The following NFYA variants were observed in gnomAD, a reference collection of about 807,000 sequenced individuals.
NFYA encodes CAAT-box DNA binding protein subunit A.
A neutral mutation model predicts 52.8 loss-of-function variants in NFYA; 28 were observed. The observed-to-expected ratio is 0.53, with a 90% CI of 0.39 to 0.73. NFYA has a LOEUF of 0.73. Ranked by LOEUF, NFYA falls within the 30% of genes least tolerant of loss-of-function variation. The pLI, the probability that NFYA is intolerant of heterozygous loss-of-function variation, is 0.00. For synonymous variants in NFYA, 150 were observed against 150.7 expected (o/e 1.00, Z 0.03); for missense variants, 234 against 427.0 (o/e 0.55, Z 3.98).
chr6:41,092,885 A>AT, intron 7 of NFYA, 27 bp from the exon 8 acceptor site: 1 of 1,601,128 alleles, frequency 6.2e-7, no homozygotes, highest in Non-Finnish European at 8.5e-7. Context: ...CATGCCACCA[A>AT]TAAGCTCTGG....
rs901063584 is a variant in NFYA, at chr6:41,099,566, G to C, written c.*2156G>C. The C allele has an allele frequency of 1.8e-4, 27 of 152,186 alleles. 1 individual carries two copies. Among genetic ancestry groups the C allele is most frequent in the African/African-American group, 4.8e-4 (20 of 41,450 alleles). 9.4% of individuals were successfully genotyped at this position (152,186 alleles called of 1,614,324 possible). On this transcript the variant is annotated 3_prime_UTR_variant, in exon 10 of 10. Coordinates refer to ENST00000341376, the MANE Select transcript of NFYA (RefSeq NM_002505.5). The stretch of plus-strand genomic sequence containing the variant: ...GGCACACCATAGTAGCCCACAAAGT[G>C]GGGGCAGGGTATTGACATTTGGATT...
At chr6:41,093,837 C>A (rs897323622) in intron 8 of NFYA, among the ~76,000 whole-genome samples, 1 of 152,178 alleles carries the variant, frequency 6.6e-6, no homozygotes, top group Non-Finnish European at 1.5e-5. Flanking sequence ...AATTTAGTTA[C>A]CTGATCACAC....
At chr6:41,091,461 A>ACT in intron 6 of NFYA, 67 bp from the exon 7 acceptor site, 1 of 1,507,394 alleles carries the variant, frequency 6.6e-7, no homozygotes, top group Admixed American at 1.8e-5. Flanking sequence ...AGAGGGACTA[A>ACT]CTATGTTCCC....
intron 4 of NFYA, among the ~76,000 whole-genome samples, chr6:41,087,339 T>C (rs1427980278): frequency 3.3e-5 from 5 of 152,224 alleles, no homozygotes; most frequent in Non-Finnish European, 5.9e-5. Flanking sequence ...ATGGAACCCA[T>C]TGACCTGTTT....
chr6:41,094,258 C>A, intron 8 of NFYA, 138 bp from the exon 9 acceptor site: 1 of 659,558 alleles, frequency 1.5e-6, no homozygotes, highest in East Asian at 2.8e-5. Flanking sequence ...AAGCTTCCAT[C>A]GTCATTCTAA....
chr6:41,077,161 T>C (rs1763757130), intron 1 of NFYA, among the ~76,000 whole-genome samples: 1 of 152,216 alleles, frequency 6.6e-6, no homozygotes, highest in South Asian at 2.1e-4. Flanking sequence ...GAAGGAAATT[T>C]GGAGTTGGGG....
intron 4 of NFYA, among the ~76,000 whole-genome samples, chr6:41,088,008 A>G (rs1764091974): frequency 6.6e-6 from 1 of 152,252 alleles, no homozygotes; most frequent in Admixed American, 6.5e-5. Flanking sequence ...TTTGACAAAC[A>G]TTAATGACAG....
chr6:41,073,579 C>G (rs1158055912), intron 1 of NFYA, among the ~76,000 whole-genome samples: 2 of 152,050 alleles, frequency 1.3e-5, no homozygotes, highest in Non-Finnish European at 2.9e-5. Flanking sequence ...GCTCCCCGCT[C>G]CCAGCGAGCC....
In NFYA at chr6:41,080,718, C is replaced by T. The variant is rs114122785; in HGVS notation, c.76-93C>T. Reference sequence around the variant, plus strand: ...ACATTTTGAAAGTCCTTCAGGCTTCCGTCTCTCTCCTCCAAGAGGTAAGGT... The same window carrying T: ...ACATTTTGAAAGTCCTTCAGGCTTCTGTCTCTCTCCTCCAAGAGGTAAGGT... On this transcript the variant is annotated intron_variant, in intron 2 of 9. Coordinates refer to ENST00000341376, the MANE Select transcript of NFYA (RefSeq NM_002505.5). 2.0e-4 allele frequency: 207 copies of T among 1,019,190 alleles called. No homozygotes were observed. The African/African-American group carries it at 2.7e-3, about 13-fold the overall frequency. The allele number at this position is 1,019,190 out of a possible 1,614,324, so 63.1% of individuals were successfully genotyped here.
In NFYA at chr6:41,092,947, A is replaced by G; in HGVS notation, c.750A>G (p.Gln250=). 1 of 1,613,944 alleles carries G rather than the reference A, an allele frequency of 6.2e-7. No homozygotes were observed. Among genetic ancestry groups the G allele is most frequent in the Non-Finnish European group, 8.5e-7 (1 of 1,179,892 alleles). The part of the protein sequence containing the change: ...VPGAGSVPAI[Q]RIPLPGAEML... ...GGGCTGGCTCTGTGCCTGCTATCCA[A>G]AGAATCCCTCTACCTGGAGCAGAGA... The change falls in exon 8 of 10, where the codon CAA becomes CAG. Residue 250 remains glutamine (Q), a synonymous_variant. Transcript: ENST00000341376.
Position 41,101,064 on chromosome 6 carries a change from G to C in NFYA, c.*3654G>C, listed in dbSNP as rs1051816532. ...GCATGCGACGCCGCCTCTGTGGCCT[G>C]TGGAGGCCCGCTTGGCGGCGCTGCT... On this transcript the variant is annotated 3_prime_UTR_variant, in exon 10 of 10. Coordinates refer to ENST00000341376, the MANE Select transcript of NFYA (RefSeq NM_002505.5). The C allele has an allele frequency of 6.6e-6, 1 of 152,286 alleles. No homozygotes were observed. The highest frequency in any genetic ancestry group is 2.4e-5 in the African/African-American group (1 of 41,472). 9.4% of individuals were successfully genotyped at this position (152,286 alleles called of 1,614,324 possible).
At chr6:41,090,434 A>G (rs1764169518) in intron 6 of NFYA, 125 bp downstream of exon 6, 7 of 575,646 alleles carry the variant, frequency 1.2e-5, no homozygotes, top group African/African-American at 7.5e-5. Flanking sequence ...AAAAAAAAAA[A>G]GATTTCCTCT....
chr6:41,077,493 A>G (rs537764768), intron 1 of NFYA, among the ~76,000 whole-genome samples: 17 of 152,092 alleles, frequency 1.1e-4, no homozygotes, highest in Admixed American at 4.6e-4. Flanking sequence ...GGAATCATAT[A>G]TATTCGTTTA....
At chr6:41,080,976 C>A in intron 3 of NFYA, 79 bp downstream of exon 3, 1 of 1,175,084 alleles carries the variant, frequency 8.5e-7, no homozygotes, top group Non-Finnish European at 1.3e-6. Flanking sequence ...GTGTTAGGAT[C>A]TCCAGTAGGA....
chr6:41,091,408 T>G, intron 6 of NFYA, 120 bp from the exon 7 acceptor site: 1 of 922,246 alleles, frequency 1.1e-6, no homozygotes, highest in Non-Finnish European at 1.6e-6. Context: ...CCTTGTGTTT[T>G]TCAGTGTGTT....
intron 1 of NFYA, 55 bp from the exon 2 acceptor site, chr6:41,078,974 G>A: frequency 1.3e-6 from 1 of 781,538 alleles, no homozygotes; most frequent in Middle Eastern, 2.4e-4. Flanking sequence ...TTAATTGTCT[G>A]GTAAGGCCTT....
At chr6:41,074,876 C>CT (rs1418927307) in intron 1 of NFYA, among the ~76,000 whole-genome samples, 1 of 152,108 alleles carries the variant, frequency 6.6e-6, no homozygotes, top group Non-Finnish European at 1.5e-5. Context: ...TCCTAGGACT[C>CT]TGAAAATTAT....
Position 41,101,801 on chromosome 6 carries a change from A to G in NFYA, c.*4391A>G, listed in dbSNP as rs1457947071. Among the ~76,000 whole-genome samples, 1 of 152,040 alleles carries G rather than the reference A, an allele frequency of 6.6e-6. No homozygotes were observed. The highest frequency in any genetic ancestry group is 1.5e-5 in the Non-Finnish European group (1 of 67,990). ...AAAGGGCACCATCTCCAGCTCTTGGAAGCAGAGAGGGTGGTCCTTTGGATT... is the reference window on the plus strand; with the variant it reads ...AAAGGGCACCATCTCCAGCTCTTGGGAGCAGAGAGGGTGGTCCTTTGGATT... On this transcript the variant is annotated 3_prime_UTR_variant, in exon 10 of 10. Transcript: ENST00000341376.
intron 8 of NFYA, among the ~76,000 whole-genome samples, chr6:41,093,647 T>C (rs1475788547): frequency 6.6e-6 from 1 of 152,140 alleles, no homozygotes; most frequent in Non-Finnish European, 1.5e-5. Context: ...ATTTTTGTGT[T>C]TTTAGTAGAG....
Sources: allele counts gnomAD v4.1 joint callset (sites outside exome capture counted in the v4.1 genomes callset), GRCh38; gene constraint gnomAD v4.1.1; transcripts MANE v1.5; gene names NCBI Gene and HGNC (gene_info 2026-07-23, HGNC 2026-07-21).